Variants in ARL15 observed in about 807,000 individuals in gnomAD.
ARL15 encodes the protein ADP-ribosylation factor-like protein 15.
ARL15 carries 19 observed loss-of-function variants against 25.2 expected under a neutral mutation model. That is an observed-to-expected ratio of 0.75 (90% CI 0.53 to 1.10). The LOEUF (loss-of-function observed/expected upper bound fraction) is 1.10, where lower values mean the gene tolerates loss of function less well. Among genes scored for constraint, ARL15 ranks in the 50% least tolerant of loss-of-function variants. The probability of loss-of-function intolerance (pLI) is 0.00; values close to 1 mark genes in which losing one functional copy is unlikely to be tolerated. For synonymous variants in ARL15, 94 were observed against 86.8 expected (o/e 1.08, Z -0.46); for missense variants, 220 against 246.0 (o/e 0.89, Z 0.71).
intron 4 of ARL15, among the ~76,000 whole-genome samples, chr5:54,092,252 G>T (rs1273762075): frequency 6.6e-6 from 1 of 151,946 alleles, no homozygotes; most frequent in East Asian, 1.9e-4. Flanking sequence ...AGAATCCTTG[G>T]CATATTCTTG....
chr5:53,956,872 C>T (rs1056541083), intron 4 of ARL15, among the ~76,000 whole-genome samples: 5 of 151,754 alleles, frequency 3.3e-5, no homozygotes, highest in African/African-American at 1.2e-4. Flanking sequence ...AACCAGTGAA[C>T]ATGAAGATAG....
chr5:54,171,742 G>C (rs1210636252), intron 2 of ARL15, 42 bp downstream of exon 2: 19 of 1,570,248 alleles, frequency 1.2e-5, no homozygotes, highest in Non-Finnish European at 1.6e-5. Context: ...GACATCTTGG[G>C]ATGAGAAAGA....
At chr5:54,185,818 AT>A (rs1482139924) in intron 1 of ARL15, among the ~76,000 whole-genome samples, 1 of 152,190 alleles carries the variant, frequency 6.6e-6, no homozygotes, top group Non-Finnish European at 1.5e-5. Flanking sequence ...AAGAAAACTT[AT>A]TTTTATGACC....
intron 4 of ARL15, among the ~76,000 whole-genome samples, chr5:54,024,455 T>C (rs1312192757): frequency 6.6e-6 from 1 of 152,326 alleles, no homozygotes; most frequent in Non-Finnish European, 1.5e-5. Context: ...CTTTGTATTG[T>C]ATAAAAACTT....
chr5:53,925,997 C>CTTTT (rs70986651), intron 4 of ARL15, among the ~76,000 whole-genome samples: 5 of 122,784 alleles, frequency 4.1e-5, no homozygotes, highest in African/African-American at 1.5e-4. Flanking sequence ...TTTTTTCTTT[C>CTTTT]TTTTTTTTTT....
chr5:54,066,533 T>C (rs531969830), intron 4 of ARL15, among the ~76,000 whole-genome samples: 4 of 152,176 alleles, frequency 2.6e-5, no homozygotes, highest in Non-Finnish European at 5.9e-5. Flanking sequence ...ACATTCAAAA[T>C]TGATAATATC....
chr5:53,945,699 C>T lies in ARL15; in HGVS notation c.463-58986G>A, dbSNP rs58358492. 7.0e-3 allele frequency among the ~76,000 whole-genome samples: 1,071 copies of T among 152,156 alleles called. 13 individuals are homozygous for T. The highest frequency in any genetic ancestry group is 0.025 in the African/African-American group (1,023 of 41,502). ...AAAGGTTTATATAATCTAAAATTCC[C>T]GACTGCAGAAATATGTAAATATATA... On this transcript the variant is annotated intron_variant, in intron 4 of 4. Coordinates refer to ENST00000504924, the MANE Select transcript of ARL15 (RefSeq NM_019087.3).
intron 4 of ARL15, among the ~76,000 whole-genome samples, chr5:53,999,028 C>G (rs1178298393): frequency 6.6e-6 from 1 of 152,132 alleles, no homozygotes; most frequent in Non-Finnish European, 1.5e-5. Context: ...ACATTTGGAT[C>G]TGGAGTCAGA....
At chr5:53,908,013 C>CA (rs1222587059) in intron 4 of ARL15, among the ~76,000 whole-genome samples, 1 of 152,258 alleles carries the variant, frequency 6.6e-6, no homozygotes, top group African/African-American at 2.4e-5. Context: ...ATCACAGGCA[C>CA]AAAAATGATG....
At chr5:54,063,834 C>T (rs1415879831) in intron 4 of ARL15, among the ~76,000 whole-genome samples, 1 of 152,092 alleles carries the variant, frequency 6.6e-6, no homozygotes, top group Non-Finnish European at 1.5e-5. Context: ...GTGTTTAAAG[C>T]TTTATTAATA....
intron 1 of ARL15, among the ~76,000 whole-genome samples, chr5:54,237,402 T>C (rs1233523180): frequency 6.6e-6 from 1 of 152,170 alleles, no homozygotes; most frequent in African/African-American, 2.4e-5. Context: ...CTAATACAAC[T>C]TCCCTATTGG....
At chr5:54,160,490 CA>C (rs796215163) in intron 2 of ARL15, among the ~76,000 whole-genome samples, 15 of 147,134 alleles carry the variant, frequency 1.0e-4, no homozygotes, top group East Asian at 9.9e-4. Context: ...TCCTCTGCTT[CA>C]AAAAAAAAAG....
intron 4 of ARL15, among the ~76,000 whole-genome samples, chr5:54,007,406 A>G (rs983183647): frequency 3.3e-5 from 5 of 152,172 alleles, no homozygotes; most frequent in African/African-American, 4.8e-5. Context: ...CATCTTATTC[A>G]AATAGTATTT....
intron 4 of ARL15, among the ~76,000 whole-genome samples, chr5:53,919,545 G>A (rs1310206021): frequency 1.3e-5 from 2 of 152,098 alleles, no homozygotes; most frequent in African/African-American, 2.4e-5. Context: ...AGTGATTGAG[G>A]GAGACAAAAC....
chr5:53,966,932 G>A (rs1205291369), intron 4 of ARL15, among the ~76,000 whole-genome samples: 1 of 152,174 alleles, frequency 6.6e-6, no homozygotes, highest in East Asian at 1.9e-4. Context: ...ATGTTGGAAA[G>A]ATCCTATACA....
intron 1 of ARL15, among the ~76,000 whole-genome samples, chr5:54,310,002 G>A (rs1489552754): frequency 6.6e-6 from 1 of 152,254 alleles, no homozygotes; most frequent in Non-Finnish European, 1.5e-5. Context: ...GGGCTGCTGG[G>A]CACTTAGTGA....
intron 1 of ARL15, among the ~76,000 whole-genome samples, chr5:54,232,715 C>G (rs569466566): frequency 7.8e-4 from 119 of 152,320 alleles, no homozygotes; most frequent in Non-Finnish European, 1.6e-3. Flanking sequence ...CCGGTCTGCT[C>G]TGCCTTCAAG....
chr5:54,281,521 C>G (rs1758063423), intron 1 of ARL15, among the ~76,000 whole-genome samples: 1 of 152,178 alleles, frequency 6.6e-6, no homozygotes, highest in Non-Finnish European at 1.5e-5. Flanking sequence ...TAATTCTTAA[C>G]CAGAACATTT....
At chr5:54,080,014 CACAG>C (rs1240238417) in intron 4 of ARL15, among the ~76,000 whole-genome samples, 53 of 136,212 alleles carry the variant, frequency 3.9e-4, no homozygotes, top group Non-Finnish European at 6.8e-4. Flanking sequence ...CACACACACA[CACAG>C]ACACAGATGT....
Sources: gnomAD v4.1 joint callset for allele counts (sites outside exome capture counted in the v4.1 genomes callset) on GRCh38, gnomAD v4.1.1 for gene constraint, MANE v1.5 for transcripts, NCBI Gene and HGNC (gene_info 2026-07-23, HGNC 2026-07-21) for gene names.